The following INPP4A variants were observed in gnomAD, a reference collection of about 807,000 sequenced individuals.
INPP4A encodes the protein inositol polyphosphate-4-phosphatase, type I, 107kD.
INPP4A carries 33 observed loss-of-function variants against 119.8 expected under a neutral mutation model. That is an observed-to-expected ratio of 0.28 (90% CI 0.21 to 0.37). The LOEUF (loss-of-function observed/expected upper bound fraction) is 0.37. Ranked by LOEUF, INPP4A falls within the 10% of genes least tolerant of loss-of-function variation. The probability of loss-of-function intolerance (pLI) is 1.00; values close to 1 mark genes in which losing one functional copy is unlikely to be tolerated. For missense variants in INPP4A, 956 were observed against 1,289.9 expected (o/e 0.74, Z 3.97); for synonymous variants, 496 against 500.7 (o/e 0.99, Z 0.12).
intron 1 of INPP4A, among the ~76,000 whole-genome samples, chr2:98,480,680 C>T (rs566611693): frequency 6.6e-6 from 1 of 152,334 alleles, no homozygotes; most frequent in East Asian, 1.9e-4. Context: ...AGCTCCCGTG[C>T]ATTTGCACAC....
At chr2:98,542,635 C>T (rs1691681748) in intron 10 of INPP4A, among the ~76,000 whole-genome samples, 1 of 152,170 alleles carries the variant, frequency 6.6e-6, no homozygotes, top group Non-Finnish European at 1.5e-5. Flanking sequence ...TTCCCAGTCC[C>T]CATTTTCCTA....
At chr2:98,472,131 T>A (rs538241687) in intron 1 of INPP4A, among the ~76,000 whole-genome samples, 31 of 152,358 alleles carry the variant, frequency 2.0e-4, no homozygotes, top group Admixed American at 1.7e-3. Flanking sequence ...GCTGGGCCTG[T>A]TTCTGCCTGC....
At chr2:98,552,606 A>C (rs1416932280) in intron 13 of INPP4A, 180 bp from the exon 14 acceptor site, 1 of 734,072 alleles carries the variant, frequency 1.4e-6, no homozygotes, top group Non-Finnish European at 2.5e-6. Context: ...CTCCTGCCAT[A>C]TAGACAGGAA....
chr2:98,558,308 T>C (rs1026541463), intron 16 of INPP4A, among the ~76,000 whole-genome samples: 3 of 150,826 alleles, frequency 2.0e-5, no homozygotes, highest in African/African-American at 7.3e-5. Context: ...AGAAGAGGGG[T>C]TATGGGGAGG....
intron 1 of INPP4A, among the ~76,000 whole-genome samples, chr2:98,477,790 G>A (rs937055949): frequency 2.0e-5 from 3 of 152,224 alleles, no homozygotes; most frequent in Non-Finnish European, 2.9e-5. Flanking sequence ...CCAGGAGACA[G>A]CGGTTGGATG....
At position 98,590,946 on chromosome 2, in the gene INPP4A, T is replaced by C. The variant is rs971622591; in HGVS notation, c.*3338T>C. 4.3e-6 allele frequency: 1 copy of C among 231,418 alleles called. No homozygotes were observed. The highest frequency in any genetic ancestry group is 8.5e-6 in the Non-Finnish European group (1 of 117,000). 14.3% of individuals were successfully genotyped at this position (231,418 alleles called of 1,614,324 possible). On this transcript the variant is annotated 3_prime_UTR_variant, in exon 25 of 25. Coordinates refer to ENST00000409851, the MANE Select transcript of INPP4A (RefSeq NM_001134225.2). ...GAACACTGAACATCTTTTATACCTT[T>C]ATGATATTTCTATGTTTGTGACTTC...
upstream of INPP4A, chr2:98,444,826 G>GGGGGCGGGGCC (rs1407003401): frequency 1.3e-5 from 2 of 152,334 alleles, no homozygotes; most frequent in Middle Eastern, 3.4e-3. Context: ...TGCGCGACAA[G>GGGGGCGGGGCC]GGGGCGGGGC....
chr2:98,509,781 C>G (rs901628900), intron 1 of INPP4A, among the ~76,000 whole-genome samples: 2 of 152,168 alleles, frequency 1.3e-5, no homozygotes. Flanking sequence ...GCACTTTTTT[C>G]AGGGCAACTT....
At chr2:98,545,497 C>A (rs1252421685) in intron 11 of INPP4A, among the ~76,000 whole-genome samples, 1 of 152,174 alleles carries the variant, frequency 6.6e-6, no homozygotes, top group Non-Finnish European at 1.5e-5. Context: ...CTCTTCATCA[C>A]TTTCGAGAGT....
At chr2:98,503,673 A>C (rs1321056109) in intron 1 of INPP4A, among the ~76,000 whole-genome samples, 1 of 152,228 alleles carries the variant, frequency 6.6e-6, no homozygotes, top group African/African-American at 2.4e-5. Flanking sequence ...CTAGCTCAGT[A>C]CTTGTTGAAC....
chr2:98,507,993 G>A (rs1481818225), intron 1 of INPP4A, among the ~76,000 whole-genome samples: 1 of 152,186 alleles, frequency 6.6e-6, no homozygotes. Context: ...TGGGTGGTGA[G>A]GGCATGGGGT....
chr2:98,566,059 G>A lies in INPP4A; in HGVS notation c.2310G>A (p.Pro770=), dbSNP rs775298897. 16 of 1,604,746 alleles carry A rather than the reference G, an allele frequency of 1.0e-5. No homozygotes were observed. The highest frequency in any genetic ancestry group is 4.0e-5 in the African/African-American group (3 of 74,472). The change falls in exon 21 of 25, where the codon CCG becomes CCA. Residue 770 remains proline (P), a synonymous_variant. Transcript: ENST00000409851. The surrounding 1 kb of genome is among the most constrained non-coding windows in gnomAD (Gnocchi z 4.2). ...RDGFNVRVPL[P]GPLFDALPRE... The stretch of plus-strand genomic sequence containing the variant: ...GGTTTAACGTGCGGGTCCCTCTGCC[G>A]GGCCCGCTGTTTGACGCCTTGCCCC...
At chr2:98,466,277 C>T (rs1674764752) in intron 1 of INPP4A, among the ~76,000 whole-genome samples, 1 of 152,196 alleles carries the variant, frequency 6.6e-6, no homozygotes, top group African/African-American at 2.4e-5. Flanking sequence ...AACTCTTGAC[C>T]TCAAGCAATC....
rs7599098 is a variant in INPP4A, at chr2:98,476,591, A to C, written c.-166+31506A>C. ...TGTGGGGAGGAGCCCTGCTTGGGGG[A>C]GGGGTGGCGCTCCTGGAGACCTCTC... On this transcript the variant is annotated intron_variant, in intron 1 of 24. Coordinates refer to ENST00000409851, the MANE Select transcript of INPP4A (RefSeq NM_001134225.2). Among the ~76,000 whole-genome samples the C allele has an allele frequency of 6.9e-3, 1,053 of 151,742 alleles. 9 individuals are homozygous for C. The highest frequency in any genetic ancestry group is 0.022 in the African/African-American group (920 of 41,326).
chr2:98,544,062 CA>C, intron 11 of INPP4A, 55 bp downstream of exon 11: 1 of 1,449,754 alleles, frequency 6.9e-7, no homozygotes, highest in South Asian at 1.3e-5. Context: ...CACACACACA[CA>C]CTCTCACTCT....
intron 1 of INPP4A, among the ~76,000 whole-genome samples, chr2:98,468,494 C>G (rs780923850): frequency 6.6e-6 from 1 of 152,048 alleles, no homozygotes; most frequent in Non-Finnish European, 1.5e-5. Flanking sequence ...TCACCTTGAC[C>G]TCCCAAAGCG....
At position 98,515,096 on chromosome 2, in the gene INPP4A, G is replaced by A. The variant is rs563539152; in HGVS notation, c.-165-3868G>A. The stretch of plus-strand genomic sequence containing the variant: ...ACCTCTTCCAGCTGGAGGTTCATCC[G>A]CATCCTTTGCAGTATCCTTCCTGTC... On this transcript the variant is annotated intron_variant, in intron 1 of 24. Coordinates refer to ENST00000409851, the MANE Select transcript of INPP4A (RefSeq NM_001134225.2). Among the ~76,000 whole-genome samples, 14 of 152,228 alleles carry A rather than the reference G, an allele frequency of 9.2e-5. 1 individual carries two copies. The highest frequency in any genetic ancestry group is 3.4e-3 in the Middle Eastern group (1 of 294).
intron 1 of INPP4A, among the ~76,000 whole-genome samples, chr2:98,479,899 C>T (rs1224883265): frequency 2.0e-5 from 3 of 152,190 alleles, no homozygotes; most frequent in African/African-American, 7.2e-5. Context: ...CCTAAAACTG[C>T]CTCCCAGACA....
chr2:98,516,776 T>C (rs1472545978), intron 1 of INPP4A, among the ~76,000 whole-genome samples: 22 of 152,086 alleles, frequency 1.4e-4, no homozygotes. Flanking sequence ...AGTATGGCTG[T>C]TAGAGAAGGA....
Sources: gnomAD v4.1 joint callset for allele counts (sites outside exome capture counted in the v4.1 genomes callset) on GRCh38, gnomAD v4.1.1 for gene constraint, Gnocchi (gnomAD v3.1) non-coding constraint, MANE v1.5 for transcripts, NCBI Gene and HGNC (gene_info 2026-07-23, HGNC 2026-07-21) for gene names.